Variants in WNK3 observed in about 807,000 individuals in gnomAD.
The protein encoded by WNK3 is serine/threonine-protein kinase WNK3.
In WNK3, 18 loss-of-function variants were observed where a neutral mutation model predicts 116.7. That is an observed-to-expected ratio of 0.15 (90% CI 0.11 to 0.23). The LOEUF (loss-of-function observed/expected upper bound fraction) is 0.23, where lower values mean the gene tolerates loss of function less well. Among genes scored for constraint, WNK3 ranks in the 10% least tolerant of loss-of-function variants. The pLI is 1.00. For synonymous variants in WNK3, 404 were observed against 469.4 expected, an observed-to-expected ratio of 0.86 and a Z score of 1.80; for missense variants, 993 against 1,323.8, an observed-to-expected ratio of 0.75 and a Z score of 3.88.
In WNK3 at chrX:54,261,202, G is replaced by T. The variant is rs782613011; in HGVS notation, c.2038-1864C>A. ...GCAAGAGGAATGCTTGAGCCCAGGA[G>T]TTTGAAGTTACAGTGACCTATGATT... On this transcript the variant is annotated intron_variant, in intron 10 of 23. Coordinates refer to ENST00000354646, the Ensembl canonical transcript of WNK3. 9.1e-5 allele frequency among the ~76,000 whole-genome samples: 10 copies of T among 110,349 alleles called. 1 individual carries two copies. Among genetic ancestry groups the T allele is most frequent in the African/African-American group, 3.0e-4 (9 of 30,437 alleles).
chrX:54,322,308 T>G (rs1557172511), intron 2 of WNK3, among the ~76,000 whole-genome samples: 2 of 111,889 alleles, frequency 1.8e-5, no homozygotes, highest in Non-Finnish European at 3.8e-5. Context: ...TTTCTCATTT[T>G]AAAATAATAA....
intron 8 of WNK3, among the ~76,000 whole-genome samples, chrX:54,294,346 T>C (rs1557165750): frequency 8.9e-6 from 1 of 112,076 alleles, no homozygotes; most frequent in Non-Finnish European, 1.9e-5. Context: ...GGAAACTAGC[T>C]GGCTTGTCTA....
chrX:54,254,718 G>A (rs1374858157), intron 12 of WNK3, among the ~76,000 whole-genome samples: 3 of 111,795 alleles, frequency 2.7e-5, no homozygotes, highest in Non-Finnish European at 3.8e-5. Context: ...CATAGGGAAT[G>A]TAAGTTATTT....
chrX:54,344,682 C>T (rs1557177107), intron 1 of WNK3, among the ~76,000 whole-genome samples: 3 of 112,257 alleles, frequency 2.7e-5, no homozygotes, highest in Non-Finnish European at 5.6e-5. Context: ...CGGTGGCTCA[C>T]GCCTGTAATC....
intron 10 of WNK3, among the ~76,000 whole-genome samples, chrX:54,283,766 C>CAAAAAAA (rs782377430): frequency 1.2e-4 from 3 of 24,084 alleles, no homozygotes; most frequent in Admixed American, 5.1e-4. Context: ...AAGACTGTCT[C>CAAAAAAA]AAAAAAAAAA....
intron 8 of WNK3, 45 bp downstream of exon 8, chrX:54,294,508 T>G: frequency 1.0e-6 from 1 of 1,003,169 alleles, no homozygotes; most frequent in Non-Finnish European, 1.3e-6. Context: ...GATTAGAGAA[T>G]ATAATTGCAC....
At chrX:54,233,532 A>G (rs1557149528) in intron 20 of WNK3, among the ~76,000 whole-genome samples, 1 of 109,451 alleles carries the variant, frequency 9.1e-6, no homozygotes, top group Non-Finnish European at 1.9e-5. Flanking sequence ...GTATTTTCAC[A>G]ATTTCCGGAG....
At chrX:54,215,520 G>T (rs1386591828) in intron 22 of WNK3, among the ~76,000 whole-genome samples, 2 of 112,520 alleles carry the variant, frequency 1.8e-5, no homozygotes, top group Non-Finnish European at 3.8e-5. Context: ...GAGTGCAGTG[G>T]CGTGATCTCC....
At chrX:54,242,999 TG>T (rs202101605) in intron 17 of WNK3, among the ~76,000 whole-genome samples, 2,696 of 110,276 alleles carry the variant, frequency 0.024, 92 homozygotes, top group African/African-American at 0.086. Flanking sequence ...TTTATAGAGA[TG>T]GGGGGTCTCA....
chrX:54,337,278 T>C (rs1453687408), intron 1 of WNK3, among the ~76,000 whole-genome samples: 7 of 111,246 alleles, frequency 6.3e-5, no homozygotes, highest in Non-Finnish European at 1.1e-4. Context: ...AATAAAATCT[T>C]TGGCTGGGTG....
chrX:54,309,716 T>A (rs782148162), intron 3 of WNK3, among the ~76,000 whole-genome samples: 1 of 111,660 alleles, frequency 9.0e-6, no homozygotes, highest in Admixed American at 9.6e-5. Context: ...CATTTTGGCA[T>A]AGACGGGGTT....
At chrX:54,256,810 T>G (rs2068197389) in intron 11 of WNK3, among the ~76,000 whole-genome samples, 1 of 112,411 alleles carries the variant, frequency 8.9e-6, no homozygotes, top group Non-Finnish European at 1.9e-5. Context: ...AATACTGCCC[T>G]TAAGAGTTTT....
intron 10 of WNK3, among the ~76,000 whole-genome samples, chrX:54,263,342 G>T (rs1208258514): frequency 8.9e-6 from 1 of 111,886 alleles, no homozygotes; most frequent in Non-Finnish European, 1.9e-5. Flanking sequence ...ACCACTATTT[G>T]TTGAGTACCT....
chrX:54,255,211 C>T (rs1377403900), intron 12 of WNK3, among the ~76,000 whole-genome samples: 1 of 111,354 alleles, frequency 9.0e-6, no homozygotes. Flanking sequence ...AACTCCTGAC[C>T]TCAGATGATC....
chrX:54,290,207 C>T (rs1008618090), intron 10 of WNK3, among the ~76,000 whole-genome samples: 3 of 108,889 alleles, frequency 2.8e-5, no homozygotes, highest in Middle Eastern at 4.3e-3. Flanking sequence ...ACCCAGGAGG[C>T]GGAGGTTGCA....
chrX:54,213,107 C>T (rs1408462704), intron 22 of WNK3, among the ~76,000 whole-genome samples: 3 of 110,070 alleles, frequency 2.7e-5, no homozygotes, highest in Non-Finnish European at 5.7e-5. Context: ...CAGCCTCCTG[C>T]GTAGCTGGGA....
intron 10 of WNK3, among the ~76,000 whole-genome samples, chrX:54,279,069 A>AAAAT (rs1234031446): frequency 1.2e-3 from 130 of 110,386 alleles, no homozygotes; most frequent in South Asian, 1.9e-3. Flanking sequence ...ACTCCATCTC[A>AAAAT]AAATAAATAA....
chrX:54,321,186 C>T (rs2069029113), intron 2 of WNK3, among the ~76,000 whole-genome samples: 1 of 111,951 alleles, frequency 8.9e-6, no homozygotes, highest in African/African-American at 3.2e-5. Context: ...CGTGAGCTAC[C>T]GCCCCCAGCC....
intron 10 of WNK3, among the ~76,000 whole-genome samples, chrX:54,286,358 C>T (rs997452464): frequency 9.0e-6 from 1 of 110,758 alleles, no homozygotes; most frequent in Non-Finnish European, 1.9e-5. Flanking sequence ...GGAGTCAGCA[C>T]GCACATACTG....
Sources: allele counts gnomAD v4.1 joint callset (sites outside exome capture counted in the v4.1 genomes callset), GRCh38; gene constraint gnomAD v4.1.1; transcripts MANE v1.5; gene names NCBI Gene and HGNC (gene_info 2026-07-23, HGNC 2026-07-21).